The following ANTXR1 variants were observed in gnomAD, a reference collection of about 807,000 sequenced individuals.
The protein encoded by ANTXR1 is anthrax toxin receptor 1.
A neutral mutation model predicts 78.1 loss-of-function variants in ANTXR1; 19 were observed. The ratio of observed to expected loss-of-function variants is 0.24; its 90% CI spans 0.17 to 0.36. The LOEUF (loss-of-function observed/expected upper bound fraction) is 0.36. Among genes scored for constraint, ANTXR1 ranks in the 10% least tolerant of loss-of-function variants. ANTXR1 has a pLI of 1.00. For synonymous variants in ANTXR1, 273 were observed against 260.5 expected, an observed-to-expected ratio of 1.05 and a Z score of -0.46; for missense variants, 518 against 718.6, an observed-to-expected ratio of 0.72 and a Z score of 3.19.
intron 1 of ANTXR1, among the ~76,000 whole-genome samples, chr2:69,027,161 A>G (rs1365370146): frequency 6.6e-6 from 1 of 152,186 alleles, no homozygotes; most frequent in Non-Finnish European, 1.5e-5. Context: ...GGGCATCAGC[A>G]TCATGCAGTG....
At chr2:69,091,003 G>C (rs1288818390) in intron 9 of ANTXR1, 84 bp downstream of exon 9, 27 of 1,382,110 alleles carry the variant, frequency 2.0e-5, no homozygotes, top group Non-Finnish European at 2.7e-5. Flanking sequence ...ATTGTTGGTG[G>C]GGTGGGAAAG....
At chr2:69,056,479 G>A (rs980585223) in intron 3 of ANTXR1, among the ~76,000 whole-genome samples, 1 of 152,020 alleles carries the variant, frequency 6.6e-6, no homozygotes, top group African/African-American at 2.4e-5. Flanking sequence ...AAAAAAAAAG[G>A]TTAATGAACA....
rs13030844 is a variant in ANTXR1, at chr2:69,071,685, T to C, written c.379-69T>C. 726,448 of 1,483,464 alleles carry C rather than the reference T, an allele frequency of 0.49. 184,947 individuals carry two copies. The highest frequency in any genetic ancestry group is 0.58 in the Middle Eastern group (3,393 of 5,808). 91.9% of individuals were successfully genotyped at this position (1,483,464 alleles called of 1,614,324 possible). A position where few individuals can be genotyped will look rare whatever the true frequency, so the allele number is the denominator to read the frequency against. ...CTGCATATTCAACAACAGAGCCCAT[T>C]ATCCACTATGGTTTTTGGAGTGACA... is the stretch of plus-strand genomic sequence containing the variant. On this transcript the variant is annotated intron_variant, in intron 4 of 17. Transcript: ENST00000303714.
chr2:69,141,208 C>A (rs1673059642), intron 12 of ANTXR1, among the ~76,000 whole-genome samples: 1 of 152,186 alleles, frequency 6.6e-6, no homozygotes, highest in Admixed American at 6.5e-5. Context: ...ATGGGCACAT[C>A]ACCAGGAACT....
intron 12 of ANTXR1, among the ~76,000 whole-genome samples, chr2:69,129,999 A>T (rs1672682671): frequency 6.6e-6 from 1 of 152,194 alleles, no homozygotes; most frequent in African/African-American, 2.4e-5. Flanking sequence ...TAGTTTGTTC[A>T]TGGGCTCTCC....
chr2:69,151,594 C>T (rs905230552), intron 12 of ANTXR1, among the ~76,000 whole-genome samples: 6 of 152,188 alleles, frequency 3.9e-5, no homozygotes, highest in Admixed American at 3.3e-4. Flanking sequence ...GCCACTTGAT[C>T]TGACTGTAGC....
In ANTXR1 at chr2:69,013,504, C is replaced by T; in HGVS notation, c.5C>T (p.Ala2Val). MATAERRALGIG... is the reference protein window; with the variant it reads MVTAERRALGIG... The stretch of plus-strand genomic sequence containing the variant: ...GCTCTCCCCGGGCTGCGGGCCATGG[C>T]CACGGCGGAGCGGAGAGCCCTCGGC... Residue 2 changes from alanine (A) to valine (V), a missense_variant, in exon 1 of 18, where the codon GCC becomes GTC. By Grantham distance (64) the Ala-to-Val change is moderately conservative. Coordinates refer to ENST00000303714, the MANE Select transcript of ANTXR1 (RefSeq NM_032208.3). The surrounding 1 kb of genome is among the most constrained non-coding windows in gnomAD (Gnocchi z 5.0). 6.3e-7 allele frequency: 1 copy of T among 1,589,230 alleles called. No homozygotes were observed. Among genetic ancestry groups the T allele is most frequent in the South Asian group, 1.2e-5 (1 of 86,618 alleles).
chr2:69,223,639 CATA>C (rs1215912959), intron 17 of ANTXR1, among the ~76,000 whole-genome samples: 2 of 152,146 alleles, frequency 1.3e-5, no homozygotes, highest in African/African-American at 4.8e-5. Context: ...CTGTCATCAT[CATA>C]ATGACAAAAA....
chr2:69,183,553 C>T (rs1674333462), intron 16 of ANTXR1, among the ~76,000 whole-genome samples: 1 of 151,382 alleles, frequency 6.6e-6, no homozygotes, highest in Non-Finnish European at 1.5e-5. Flanking sequence ...GGGCACGCAC[C>T]ACCACACCCA....
At chr2:69,035,311 T>G (rs1160257794) in intron 1 of ANTXR1, among the ~76,000 whole-genome samples, 1 of 152,108 alleles carries the variant, frequency 6.6e-6, no homozygotes, top group East Asian at 1.9e-4. Context: ...ATATAAGCAG[T>G]ACCCCCAACA....
chr2:69,064,757 C>T (rs992227449), intron 3 of ANTXR1, among the ~76,000 whole-genome samples: 27 of 152,074 alleles, frequency 1.8e-4, no homozygotes, highest in Non-Finnish European at 2.1e-4. Context: ...AAAAAGTTAT[C>T]GAAGAAAGTC....
chr2:69,107,121 C>A (rs559895093), intron 10 of ANTXR1, among the ~76,000 whole-genome samples: 19 of 152,122 alleles, frequency 1.2e-4, no homozygotes, highest in African/African-American at 4.3e-4. Flanking sequence ...TCATCCCCCC[C>A]CCGAACGAAA....
rs897913378 is a variant in ANTXR1 at position 69,245,579 on chromosome 2, A to G, written c.*94A>G. 6.5e-7 allele frequency: 1 copy of G among 1,541,160 alleles called. No homozygotes were observed. Among genetic ancestry groups the G allele is most frequent in the Non-Finnish European group, 8.8e-7 (1 of 1,142,356 alleles). On this transcript the variant is annotated 3_prime_UTR_variant, in exon 18 of 18. Transcript: ENST00000303714. ...GAGAAGAGGAGTGGTGATAAAGCCC[A>G]CTGACCTTCACACATTCTAAAAATT...
chr2:69,014,320 C>T lies in ANTXR1; in HGVS notation c.152+669C>T, dbSNP rs75509925. Among the ~76,000 whole-genome samples, 52 of 152,168 alleles carry T rather than the reference C, an allele frequency of 3.4e-4. 1 individual carries two copies. In the East Asian group the frequency reaches 8.7e-3, roughly 25 times the overall value. The stretch of plus-strand genomic sequence containing the variant: ...CCCACTGGATGCCAGTAACATCCCC[C>T]GCCCCCCACTCCTTCCTTATTAGTG... On this transcript the variant is annotated intron_variant, in intron 1 of 17. Transcript: ENST00000303714.
At chr2:69,218,761 A>G (rs932980878) in intron 17 of ANTXR1, among the ~76,000 whole-genome samples, 5 of 152,198 alleles carry the variant, frequency 3.3e-5, no homozygotes, top group African/African-American at 1.2e-4. Context: ...CCCAGCCCAG[A>G]GTATGTAGCC....
At chr2:69,100,072 T>C (rs1671558226) in intron 9 of ANTXR1, among the ~76,000 whole-genome samples, 1 of 152,246 alleles carries the variant, frequency 6.6e-6, no homozygotes, top group African/African-American at 2.4e-5. Context: ...GAGGTACTTC[T>C]TATAGGAGCT....
chr2:69,114,385 C>A (rs558535069), intron 10 of ANTXR1, among the ~76,000 whole-genome samples: 1 of 152,316 alleles, frequency 6.6e-6, no homozygotes, highest in Non-Finnish European at 1.5e-5. Flanking sequence ...GAGGTCACAA[C>A]CTTGTGCAGA....
chr2:69,022,739 G>C (rs760091289), intron 1 of ANTXR1, among the ~76,000 whole-genome samples: 1 of 152,210 alleles, frequency 6.6e-6, no homozygotes, highest in Non-Finnish European at 1.5e-5. Context: ...GACAAGAAAA[G>C]TTGCCCCATA....
At chr2:69,041,460 T>G (rs1669615342) in intron 2 of ANTXR1, among the ~76,000 whole-genome samples, 2 of 152,222 alleles carry the variant, frequency 1.3e-5, no homozygotes, top group Non-Finnish European at 2.9e-5. Flanking sequence ...GTAACTGCTC[T>G]GTGTCTCATT....
Sources: gnomAD v4.1 joint callset for allele counts (sites outside exome capture counted in the v4.1 genomes callset) on GRCh38, gnomAD v4.1.1 for gene constraint, Gnocchi (gnomAD v3.1) non-coding constraint, MANE v1.5 for transcripts, NCBI Gene and HGNC (gene_info 2026-07-23, HGNC 2026-07-21) for gene names.